The following TENM4 variants were observed in gnomAD, a reference collection of about 807,000 sequenced individuals.
TENM4 encodes teneurin-4.
TENM4 carries 82 observed loss-of-function variants against 243.3 expected under a neutral mutation model. That is an observed-to-expected ratio of 0.34 (90% CI 0.28 to 0.40). TENM4 has a LOEUF of 0.40. TENM4 is among the 10% of genes least tolerant of loss of function. TENM4 has a pLI of 1.00. For missense variants in TENM4, 3,138 were observed against 3,673.3 expected (o/e 0.85, Z 3.77); for synonymous variants, 1,412 against 1,456.3 (o/e 0.97, Z 0.69).
At chr11:78,715,858 C>A (rs527640234) in intron 25 of TENM4, among the ~76,000 whole-genome samples, 1 of 152,304 alleles carries the variant, frequency 6.6e-6, no homozygotes, top group Non-Finnish European at 1.5e-5. Context: ...GCCCTGGGAG[C>A]TGCAGCTGCA....
intron 2 of TENM4, among the ~76,000 whole-genome samples, chr11:79,233,298 G>A (rs571612171): frequency 2.8e-4 from 43 of 152,264 alleles, no homozygotes; most frequent in Middle Eastern, 3.4e-3. Flanking sequence ...AACATGTATT[G>A]GACAGATGGA....
intron 3 of TENM4, among the ~76,000 whole-genome samples, chr11:79,194,924 G>A (rs1863590633): frequency 6.6e-6 from 1 of 152,170 alleles, no homozygotes; most frequent in Non-Finnish European, 1.5e-5. Flanking sequence ...CAGCCCTGGA[G>A]GCCCAGGAGG....
At chr11:79,076,527 G>A (rs1195476518) in intron 4 of TENM4, 1 of 152,256 alleles carries the variant, frequency 6.6e-6, no homozygotes, top group East Asian at 1.9e-4. Flanking sequence ...CACGAGAACA[G>A]CATGGGAAAA....
At chr11:79,129,415 C>T (rs773390293) in intron 4 of TENM4, among the ~76,000 whole-genome samples, 2 of 152,156 alleles carry the variant, frequency 1.3e-5, no homozygotes, top group Non-Finnish European at 2.9e-5. Flanking sequence ...TGTGCAGACT[C>T]CACAGGCGGA....
intron 6 of TENM4, among the ~76,000 whole-genome samples, chr11:79,030,351 C>T (rs1366725456): frequency 6.6e-6 from 1 of 152,152 alleles, no homozygotes; most frequent in African/African-American, 2.4e-5. Context: ...AGGTTGGGTT[C>T]CCAAGTCCTC....
At chr11:79,192,279 A>G (rs1004176730) in intron 3 of TENM4, among the ~76,000 whole-genome samples, 1 of 152,196 alleles carries the variant, frequency 6.6e-6, no homozygotes, top group Admixed American at 6.5e-5. Context: ...CCAACAGCTC[A>G]TTGAGAATGG....
In TENM4 at chr11:78,738,432, C is replaced by T; in HGVS notation, c.2876+19G>A. The T allele has an allele frequency of 6.2e-7, 1 of 1,610,496 alleles. No homozygotes were observed. Among genetic ancestry groups the T allele is most frequent in the African/African-American group, 1.3e-5 (1 of 74,990 alleles). On this transcript the variant is annotated intron_variant, in intron 20 of 33. Coordinates refer to ENST00000278550, the MANE Select transcript of TENM4 (RefSeq NM_001098816.3). ...AGAGCGGGACCTTCACTGTTTCTGGCTCATAGAAGGTCTCCTACCTGCCAT... is the reference window on the plus strand; with the variant it reads ...AGAGCGGGACCTTCACTGTTTCTGGTTCATAGAAGGTCTCCTACCTGCCAT...
In TENM4 at chr11:78,963,797, T is replaced by C. The variant is rs140774873; in HGVS notation, c.494-60274A>G. ...CCCAGGCTGGAGTGCAGTGGCACAA[T>C]CTTGGCTCACTGCAACCTCTGCCTC... On this transcript the variant is annotated intron_variant, in intron 6 of 33. Transcript: ENST00000278550. Among the ~76,000 whole-genome samples the C allele has an allele frequency of 4.1e-3, 617 of 150,396 alleles. 5 individuals are homozygous for C. The highest frequency in any genetic ancestry group is 0.015 in the African/African-American group (597 of 40,928).
Position 79,346,523 on chromosome 11 carries a change from A to G in TENM4, c.-320-48980T>C, listed in dbSNP as rs114001466. On this transcript the variant is annotated intron_variant, in intron 1 of 33. Coordinates refer to ENST00000278550, the MANE Select transcript of TENM4 (RefSeq NM_001098816.3). ...GCTGCTTCAACCCCCACCTCCCACC[A>G]CATACACACGCTTATTCTATTACGA... Among the ~76,000 whole-genome samples, 789 of 152,172 alleles carry G rather than the reference A, an allele frequency of 5.2e-3. 13 individuals carry two copies. The highest frequency in any genetic ancestry group is 0.018 in the African/African-American group (729 of 41,516).
intron 2 of TENM4, among the ~76,000 whole-genome samples, chr11:79,242,300 T>C (rs1239585740): frequency 6.6e-6 from 1 of 152,102 alleles, no homozygotes; most frequent in Non-Finnish European, 1.5e-5. Flanking sequence ...AGACTAATGG[T>C]GATGTTTTTT....
intron 21 of TENM4, among the ~76,000 whole-genome samples, chr11:78,731,370 G>A (rs1041786270): frequency 6.6e-6 from 1 of 152,232 alleles, no homozygotes; most frequent in Non-Finnish European, 1.5e-5. Context: ...CAAAATGATT[G>A]TATGTCCTTC....
chr11:78,775,117 G>A (rs992238670), intron 17 of TENM4, among the ~76,000 whole-genome samples: 3 of 152,130 alleles, frequency 2.0e-5, no homozygotes, highest in Non-Finnish European at 4.4e-5. Flanking sequence ...TATATTAAAG[G>A]CTCCAAGAAG....
Position 79,215,862 on chromosome 11 carries a change from C to A in TENM4, c.-217G>T. ...TCAGCAATGTCCGTGGGCCCTGCAG[C>A]CCTCTCTCCAAGGCCATTGGATCCT... On this transcript the variant is annotated 5_prime_UTR_variant, in exon 3 of 34. Transcript: ENST00000278550. 1.0e-6 allele frequency: 1 copy of A among 985,918 alleles called. No homozygotes were observed. Among genetic ancestry groups the A allele is most frequent in the Non-Finnish European group, 1.2e-6 (1 of 829,970 alleles). The allele number at this position is 985,918 out of a possible 1,614,324, so 61.1% of individuals were successfully genotyped here.
In TENM4 at chr11:79,299,095, C is replaced by CACAT. The variant is rs1422389669; in HGVS notation, c.-320-1556_-320-1553dup. Among the ~76,000 whole-genome samples, 433 of 152,056 alleles carry CACAT rather than the reference C, an allele frequency of 2.8e-3. 3 individuals are homozygous for CACAT. The highest frequency in any genetic ancestry group is 9.9e-3 in the African/African-American group (410 of 41,478). ...ACACACACACACACACATACACACA[C>CACAT]ACATACATACACACACACAATTTAT... On this transcript the variant is annotated intron_variant, in intron 1 of 33. Transcript: ENST00000278550.
intron 6 of TENM4, among the ~76,000 whole-genome samples, chr11:79,040,033 T>TAAAAAA (rs34900293): frequency 7.0e-6 from 1 of 142,600 alleles, no homozygotes; most frequent in Non-Finnish European, 1.5e-5. Context: ...GCAAAATGAT[T>TAAAAAA]AAAAAAAAAA....
At chr11:78,750,823 G>A (rs940211199) in intron 19 of TENM4, among the ~76,000 whole-genome samples, 2 of 151,920 alleles carry the variant, frequency 1.3e-5, no homozygotes, top group African/African-American at 4.8e-5. Context: ...CAGAGTAGGT[G>A]CTGGTCAATA....
intron 9 of TENM4, among the ~76,000 whole-genome samples, chr11:78,867,537 T>C (rs1434783275): frequency 2.6e-5 from 4 of 152,226 alleles, no homozygotes; most frequent in African/African-American, 9.6e-5. Flanking sequence ...TCTGCTCTCC[T>C]CTTTCCAAAG....
At chr11:79,227,398 A>G (rs1275716538) in intron 2 of TENM4, among the ~76,000 whole-genome samples, 1 of 152,110 alleles carries the variant, frequency 6.6e-6, no homozygotes, top group Non-Finnish European at 1.5e-5. Context: ...AAAGGTCGAG[A>G]GGGGTTTCTT....
At chr11:78,931,026 A>T (rs1856657901) in intron 6 of TENM4, among the ~76,000 whole-genome samples, 1 of 152,190 alleles carries the variant, frequency 6.6e-6, no homozygotes, top group Non-Finnish European at 1.5e-5. Flanking sequence ...TTAAGCAAAC[A>T]TCTAACGTAA....
Sources: allele counts gnomAD v4.1 joint callset (sites outside exome capture counted in the v4.1 genomes callset), GRCh38; gene constraint gnomAD v4.1.1; transcripts MANE v1.5; gene names NCBI Gene and HGNC (gene_info 2026-07-23, HGNC 2026-07-21).